The following KIAA0825 variants were observed in gnomAD, a reference collection of about 807,000 sequenced individuals.
KIAA0825 encodes uncharacterized protein KIAA0825.
Under a neutral mutation model 147.6 loss-of-function variants are expected in KIAA0825, and 119 were observed. The observed-to-expected ratio is 0.81, with a 90% CI of 0.69 to 0.94. The LOEUF (loss-of-function observed/expected upper bound fraction) is 0.94, where lower values mean the gene tolerates loss of function less well. Among genes scored for constraint, KIAA0825 ranks in the 40% least tolerant of loss-of-function variants. The pLI is 0.00. For synonymous variants in KIAA0825, 470 were observed against 518.1 expected, an observed-to-expected ratio of 0.91 and a Z score of 1.26; for missense variants, 1,381 against 1,472.7, an observed-to-expected ratio of 0.94 and a Z score of 1.02.
rs1220660252 is a variant in KIAA0825 at position 94,396,292 on chromosome 5, T to G, written c.3105A>C (p.Leu1035Phe). ...IFEDGNTVEL[L>F]TGASLDRWSK... is the part of the protein sequence containing the mutation. ...TCCATCTGTCAAGAGAGGCACCTGT[T>G]AAAAGTTCCACAGTGTTTCCGTCCT... Residue 1035 changes from leucine (L) to phenylalanine (F), a missense_variant, in exon 17 of 21, where the codon TTA (leucine) becomes TTC (phenylalanine). Transcript: ENST00000682413. 6.4e-7 allele frequency: 1 copy of G among 1,550,604 alleles called. No homozygotes were observed. The highest frequency in any genetic ancestry group is 1.2e-5 in the South Asian group (1 of 83,800).
rs139839921 is a variant in KIAA0825 at position 94,369,082 on chromosome 5, T to C, written c.3710+15286A>G. Among the ~76,000 whole-genome samples the C allele has an allele frequency of 6.9e-3, 1,048 of 152,196 alleles. 16 individuals are homozygous for C. Among genetic ancestry groups the C allele is most frequent in the African/African-American group, 0.024 (980 of 41,526 alleles). On this transcript the variant is annotated intron_variant, in intron 20 of 20. Transcript: ENST00000682413. ...TTGAGGAGGGAGGATCACTTGGTCC[T>C]GGGGCATTGAGGCTGGAGTGAGCCA...
At chr5:94,308,906 C>G (rs980434156) in intron 20 of KIAA0825, among the ~76,000 whole-genome samples, 1 of 151,760 alleles carries the variant, frequency 6.6e-6, no homozygotes, top group Non-Finnish European at 1.5e-5. Flanking sequence ...AGGTAACATA[C>G]AGCAACCACT....
chr5:94,518,951 G>C (rs751906843), intron 5 of KIAA0825, among the ~76,000 whole-genome samples: 2 of 151,888 alleles, frequency 1.3e-5, no homozygotes, highest in African/African-American at 4.8e-5. Flanking sequence ...AAGTAAGCAG[G>C]ATTTTTTTTT....
chr5:94,451,367 CCT>C (rs1758381192), intron 13 of KIAA0825, among the ~76,000 whole-genome samples: 2 of 152,130 alleles, frequency 1.3e-5, no homozygotes, highest in South Asian at 4.1e-4. Context: ...ACTTTGTCAA[CCT>C]CTCTGATTAA....
Position 94,520,880 on chromosome 5 carries a change from ATTTCT to A in KIAA0825, c.333_337del (p.Glu111AspfsTer31). 6.2e-7 allele frequency: 1 copy of A among 1,607,840 alleles called. No individual in the cohort carries two copies. On this transcript the variant is annotated frameshift_variant, in exon 5 of 21. Transcript: ENST00000682413. LOFTEE classifies it high-confidence loss of function. ...GAGGTCCCAAAGTAAATCCAATGTC[ATTTCT>A]TCTTGATTTTGTTCATTCTTCAACA...
chr5:94,205,225 C>T (rs1772041965), intron 20 of KIAA0825, among the ~76,000 whole-genome samples: 1 of 143,704 alleles, frequency 7.0e-6, no homozygotes, highest in African/African-American at 2.6e-5. Context: ...TTTACACTCT[C>T]AGGATTTATA....
chr5:94,157,474 G>C (rs1333531852), intron 20 of KIAA0825, among the ~76,000 whole-genome samples: 11 of 152,172 alleles, frequency 7.2e-5, no homozygotes, highest in Admixed American at 7.2e-4. Context: ...CCTAGACTGA[G>C]ATACTCTAAC....
intron 5 of KIAA0825, among the ~76,000 whole-genome samples, chr5:94,496,768 AG>A (rs1764412252): frequency 6.6e-6 from 1 of 152,172 alleles, no homozygotes; most frequent in African/African-American, 2.4e-5. Context: ...CAGACTGTAC[AG>A]GGGATTGAGG....
At position 94,550,774 on chromosome 5, in the gene KIAA0825, G is replaced by A. The variant is rs141592678; in HGVS notation, c.-1-13647C>T. Among the ~76,000 whole-genome samples, 279 of 151,688 alleles carry A rather than the reference G, an allele frequency of 1.8e-3. 3 individuals are homozygous for A. The highest frequency in any genetic ancestry group is 5.4e-3 in the African/African-American group (225 of 41,342). ...GGAGAATGGCGTGAGCCCGGGAGGC[G>A]GAGCTTGCAGTGAGCCCAGATCGCA... On this transcript the variant is annotated intron_variant, in intron 2 of 20. Transcript: ENST00000682413.
At chr5:94,196,494 G>A (rs536148701) in intron 20 of KIAA0825, among the ~76,000 whole-genome samples, 2 of 150,968 alleles carry the variant, frequency 1.3e-5, no homozygotes, top group Admixed American at 6.6e-5. Context: ...GGTCCAGAGG[G>A]TACATGTGCA....
chr5:94,512,285 A>G (rs568124581), intron 5 of KIAA0825, among the ~76,000 whole-genome samples: 41 of 152,188 alleles, frequency 2.7e-4, no homozygotes, highest in African/African-American at 9.6e-4. Context: ...ACTAATAACT[A>G]GAAGTCACAT....
intron 20 of KIAA0825, among the ~76,000 whole-genome samples, chr5:94,383,489 A>T (rs1748708948): frequency 6.6e-6 from 1 of 152,188 alleles, no homozygotes; most frequent in African/African-American, 2.4e-5. Context: ...AAGATATGGA[A>T]ATACATTCTA....
At chr5:94,209,500 A>G (rs1772509410) in intron 20 of KIAA0825, among the ~76,000 whole-genome samples, 2 of 152,216 alleles carry the variant, frequency 1.3e-5, no homozygotes, top group Non-Finnish European at 2.9e-5. Context: ...TGGGGCGGTA[A>G]GGAGGACTTA....
At chr5:94,390,860 C>T (rs768500339) in intron 18 of KIAA0825, among the ~76,000 whole-genome samples, 3 of 152,106 alleles carry the variant, frequency 2.0e-5, no homozygotes, top group African/African-American at 4.8e-5. Context: ...CAAATATAAA[C>T]GCAATTAGAT....
chr5:94,296,437 C>T (rs536318414), intron 20 of KIAA0825, among the ~76,000 whole-genome samples: 28 of 152,132 alleles, frequency 1.8e-4, no homozygotes, highest in Middle Eastern at 3.4e-3. Flanking sequence ...GTGTTCCAGG[C>T]GCCACTGGGG....
At chr5:94,609,779 A>C (rs1788347734) in intron 1 of KIAA0825, among the ~76,000 whole-genome samples, 1 of 152,090 alleles carries the variant, frequency 6.6e-6, no homozygotes, top group Non-Finnish European at 1.5e-5. Flanking sequence ...GTGCCACTGC[A>C]CTCCAGCCTG....
intron 20 of KIAA0825, among the ~76,000 whole-genome samples, chr5:94,185,137 C>T (rs1770008499): frequency 6.6e-6 from 1 of 152,176 alleles, no homozygotes; most frequent in Admixed American, 6.5e-5. Flanking sequence ...TTTCTACTCT[C>T]ATCATGTTTG....
chr5:94,397,047 A>C (rs898671104), intron 16 of KIAA0825, among the ~76,000 whole-genome samples: 1 of 151,212 alleles, frequency 6.6e-6, no homozygotes. Context: ...CAGCCCCAAG[A>C]CCCTCTCTTT....
At chr5:94,541,238 C>T (rs1773240988) in intron 2 of KIAA0825, among the ~76,000 whole-genome samples, 1 of 152,182 alleles carries the variant, frequency 6.6e-6, no homozygotes, top group African/African-American at 2.4e-5. Flanking sequence ...ACCTTATCTG[C>T]ACTTCTGTCT....
Sources: allele counts gnomAD v4.1 joint callset (sites outside exome capture counted in the v4.1 genomes callset), GRCh38; gene constraint gnomAD v4.1.1; transcripts MANE v1.5; gene names NCBI Gene and HGNC (gene_info 2026-07-23, HGNC 2026-07-21).